SLC66A1: variants seen among roughly 807,000 people sequenced by gnomAD.
SLC66A1 encodes the protein lysosomal amino acid transporter 1 homolog.
SLC66A1 carries 23 observed loss-of-function variants against 33.0 expected under a neutral mutation model. The ratio of observed to expected loss-of-function variants is 0.70; its 90% CI spans 0.50 to 0.99. SLC66A1 has a LOEUF of 0.99. SLC66A1 is among the 50% of genes least tolerant of loss of function. The pLI is 0.00. For missense variants in SLC66A1, 335 were observed against 383.6 expected (o/e 0.87, Z 1.06); for synonymous variants, 164 against 175.5 (o/e 0.93, Z 0.52).
rs1306022218 is a variant in SLC66A1, at chr1:19,326,531, C to T, written c.526C>T (p.Pro176Ser). The T allele has an allele frequency of 6.2e-7, 1 of 1,614,124 alleles. No homozygotes were observed. The change falls in exon 6 of 8, where the codon CCC (proline) becomes TCC (serine). Residue 176 changes from proline (P) to serine (S), a missense_variant and splice_region_variant. Physicochemically the swap from Pro to Ser is moderately conservative, Grantham distance 74 (BLOSUM62 -1). Coordinates refer to ENST00000375153, the MANE Select transcript of SLC66A1 (RefSeq NM_001040125.2). ...CCAAGTGCCCCCTTCTGCCCCACAG[C>T]CCTTCACCCGGCAGGAAGTCATTGG... ...ALLSVESGSKPFTRQEVIGFV... is the reference protein window; with the variant it reads ...ALLSVESGSKSFTRQEVIGFV...
At position 19,326,316 on chromosome 1, in the gene SLC66A1, G is replaced by A; in HGVS notation, c.454G>A (p.Ala152Thr). 1.2e-6 allele frequency: 2 copies of A among 1,607,076 alleles called. No individual in the cohort carries two copies. Among genetic ancestry groups the A allele is most frequent in the East Asian group, 4.5e-5 (2 of 44,876 alleles). ...MACATPLLSA[A>T]GPVAAPREAF... ...GTGCGCCACACCGCTGCTGAGTGCT[G>A]CTGGGCCCGTGGCTGCCCCTAGGGA... The change falls in exon 5 of 8, where the codon GCT becomes ACT. Residue 152 changes from alanine (A) to threonine (T), a missense_variant. By Grantham distance (58) the Ala-to-Thr change is moderately conservative. Coordinates refer to ENST00000375153, the MANE Select transcript of SLC66A1 (RefSeq NM_001040125.2).
At chr1:19,316,353 TTGTGTGTGTGTGTGTGTGTG>T (rs36226389) in intron 1 of SLC66A1, among the ~76,000 whole-genome samples, 9 of 144,818 alleles carry the variant, frequency 6.2e-5, no homozygotes, top group South Asian at 4.4e-4. Context: ...TCTTTATGGT[TTGTGTGTGTGTGTGTGTGTG>T]TGTGTGTGTG....
Position 19,328,656 on chromosome 1 carries a change from T to A in SLC66A1, c.*13T>A. The stretch of plus-strand genomic sequence containing the variant: ...CCTCCCCAGCTGACCAGAACCAGGC[T>A]GAGCGCAGGAGGACAGGCACCACCG... On this transcript the variant is annotated 3_prime_UTR_variant, in exon 8 of 8. Coordinates refer to ENST00000375153, the MANE Select transcript of SLC66A1 (RefSeq NM_001040125.2). The surrounding 1 kb of genome is among the most constrained non-coding windows in gnomAD (Gnocchi z 4.7). 1 of 1,613,066 alleles carries A rather than the reference T, an allele frequency of 6.2e-7. No homozygotes were observed. Among genetic ancestry groups the A allele is most frequent in the South Asian group, 1.1e-5 (1 of 90,934 alleles).
intron 1 of SLC66A1, among the ~76,000 whole-genome samples, chr1:19,316,159 G>A (rs1445707890): frequency 6.6e-6 from 1 of 152,174 alleles, no homozygotes; most frequent in Non-Finnish European, 1.5e-5. Flanking sequence ...GCCATATTCT[G>A]GCTTTGTCAT....
chr1:19,327,044 G>C (rs547267638), intron 6 of SLC66A1, among the ~76,000 whole-genome samples, 183 bp from the exon 7 acceptor site: 6 of 152,194 alleles, frequency 3.9e-5, no homozygotes, highest in South Asian at 2.1e-4. Flanking sequence ...AGGGGCCTGG[G>C]GGGGCTTGTC....
Position 19,326,230 on chromosome 1 carries a change from C to G in SLC66A1, c.383-15C>G, listed in dbSNP as rs1367747738. On this transcript the variant is annotated splice_polypyrimidine_tract_variant and intron_variant, in intron 4 of 7. Coordinates refer to ENST00000375153, the MANE Select transcript of SLC66A1 (RefSeq NM_001040125.2). ...TCAGCCATCTAACCTCAGCTTCCCC[C>G]TGCCTTGTGTGCAGTGTCTGCCCCC... 3 of 1,592,584 alleles carry G rather than the reference C, an allele frequency of 1.9e-6. No homozygotes were observed. In the African/African-American group the frequency reaches 4.0e-5, roughly 21 times the overall value.
chr1:19,322,573 G>C (rs1366259777), intron 2 of SLC66A1, among the ~76,000 whole-genome samples: 1 of 152,202 alleles, frequency 6.6e-6, no homozygotes, highest in Admixed American at 6.5e-5. Flanking sequence ...GGGAATCTGG[G>C]AGGGACGGGG....
intron 2 of SLC66A1, among the ~76,000 whole-genome samples, chr1:19,319,249 C>T (rs894995741): frequency 6.6e-6 from 1 of 152,182 alleles, no homozygotes; most frequent in Non-Finnish European, 1.5e-5. Context: ...TTTCGTTAGC[C>T]CAAATGGAAA....
chr1:19,327,427 G>A lies in SLC66A1; in HGVS notation c.804+15G>A, dbSNP rs769588647. The A allele has an allele frequency of 1.0e-5, 16 of 1,574,416 alleles. No homozygotes were observed. The highest frequency in any genetic ancestry group is 5.9e-5 in the South Asian group (5 of 84,940). ...TCGACACCATCGTATCCTTCAGGGC[G>A]TGTGGGGCAGGTGGCGGGGTGTGGG... On this transcript the variant is annotated intron_variant, in intron 7 of 7. Coordinates refer to ENST00000375153, the MANE Select transcript of SLC66A1 (RefSeq NM_001040125.2).
At chr1:19,331,213 T>C (rs536631597), downstream of SLC66A1, among the ~76,000 whole-genome samples, 1 of 152,280 alleles carries the variant, frequency 6.6e-6, no homozygotes, top group South Asian at 2.1e-4. Context: ...GGTTTCACCA[T>C]GTTGGCCAGG....
In SLC66A1 at chr1:19,328,866, G is replaced by A. The variant is rs565832590; in HGVS notation, c.*223G>A. 5.6e-5 allele frequency: 33 copies of A among 592,984 alleles called. No individual in the cohort carries two copies. The African/African-American group carries it at 6.0e-4, about 11-fold the overall frequency. The allele number at this position is 592,984 out of a possible 1,614,324, so 36.7% of individuals were successfully genotyped here. A position where few individuals can be genotyped will look rare whatever the true frequency, so the allele number is the denominator to read the frequency against. ...CCCAGGGCCTCTCAGGAGACAGTGA[G>A]GCTGCCCCTCCTACCACCTACCTCA... is the stretch of plus-strand genomic sequence containing the variant. On this transcript the variant is annotated 3_prime_UTR_variant, in exon 8 of 8. Coordinates refer to ENST00000375153, the MANE Select transcript of SLC66A1 (RefSeq NM_001040125.2). This position sits in a 1 kb window ranked among gnomAD's most constrained non-coding sequence, Gnocchi z 4.7.
At chr1:19,321,935 A>C (rs1457894639) in intron 2 of SLC66A1, among the ~76,000 whole-genome samples, 1 of 152,190 alleles carries the variant, frequency 6.6e-6, no homozygotes, top group Non-Finnish European at 1.5e-5. Context: ...TGGGCACCCT[A>C]TCAGAGGCTT....
rs746961996 is a variant in SLC66A1, at chr1:19,328,566, C to T, written c.805-6C>T. 6.2e-7 allele frequency: 1 copy of T among 1,612,800 alleles called. No individual in the cohort carries two copies. The highest frequency in any genetic ancestry group is 8.5e-7 in the Non-Finnish European group (1 of 1,179,688). On this transcript the variant is annotated splice_polypyrimidine_tract_variant and splice_region_variant and intron_variant, in intron 7 of 7. Coordinates refer to ENST00000375153, the MANE Select transcript of SLC66A1 (RefSeq NM_001040125.2). This position sits in a 1 kb window ranked among gnomAD's most constrained non-coding sequence, Gnocchi z 4.7. Reference sequence around the variant, plus strand: ...CTCAGCTTGGCCTTAACGGCGGCACCCCCAGATCTCCATCCAGTTCCTGGT... The same window carrying T: ...CTCAGCTTGGCCTTAACGGCGGCACTCCCAGATCTCCATCCAGTTCCTGGT...
chr1:19,319,105 G>C (rs1260283715), intron 2 of SLC66A1, among the ~76,000 whole-genome samples: 1 of 152,240 alleles, frequency 6.6e-6, no homozygotes, highest in Non-Finnish European at 1.5e-5. Flanking sequence ...GGTTTGATCA[G>C]GGGCTTGACA....
chr1:19,326,218 C>T (rs1363212105), intron 4 of SLC66A1, 27 bp from the exon 5 acceptor site: 2 of 1,581,128 alleles, frequency 1.3e-6, no homozygotes, highest in African/African-American at 1.3e-5. Flanking sequence ...GCCATCTAAC[C>T]TCAGCTTCCC....
chr1:19,331,561 T>C (rs756126669), downstream of SLC66A1, among the ~76,000 whole-genome samples: 3 of 152,170 alleles, frequency 2.0e-5, no homozygotes, highest in Admixed American at 6.6e-5. Flanking sequence ...CTCACCATCC[T>C]GAATAGCGAC....
intron 1 of SLC66A1, among the ~76,000 whole-genome samples, chr1:19,317,152 C>T (rs1247657512): frequency 6.6e-6 from 1 of 152,010 alleles, no homozygotes; most frequent in East Asian, 1.9e-4. Context: ...ATTAGGAATA[C>T]CCTAAGTGTT....
At chr1:19,321,186 T>C (rs1253152652) in intron 2 of SLC66A1, among the ~76,000 whole-genome samples, 5 of 139,282 alleles carry the variant, frequency 3.6e-5, no homozygotes, top group African/African-American at 1.5e-4. Flanking sequence ...TTTTTTTTTT[T>C]TTTTTGAGAC....
intron 4 of SLC66A1, 59 bp downstream of exon 4, chr1:19,325,641 G>GTT: frequency 9.4e-7 from 1 of 1,058,900 alleles, no homozygotes. Flanking sequence ...GCAGTTGTGG[G>GTT]GGGGGGCGCC....
Sources: gnomAD v4.1 joint callset for allele counts (sites outside exome capture counted in the v4.1 genomes callset) on GRCh38, gnomAD v4.1.1 for gene constraint, Gnocchi (gnomAD v3.1) non-coding constraint, MANE v1.5 for transcripts, NCBI Gene and HGNC (gene_info 2026-07-23, HGNC 2026-07-21) for gene names.